The following HERC5 variants were observed in gnomAD, a reference collection of about 807,000 sequenced individuals.
HERC5 encodes the protein HECT and RLD domain containing E3 ubiquitin protein ligase 5, also known as E3 ISG15--protein ligase HERC5.
In HERC5, 99 loss-of-function variants were observed where a neutral mutation model predicts 119.6. The observed-to-expected ratio is 0.83, with a 90% confidence interval of 0.70 to 0.98. The LOEUF is 0.98. HERC5 is among the 50% of genes least tolerant of loss of function. HERC5 has a pLI of 0.00. For missense variants in HERC5, 1,267 were observed against 1,241.3 expected, an observed-to-expected ratio of 1.02 and a Z score of -0.31; for synonymous variants, 478 against 445.9, an observed-to-expected ratio of 1.07 and a Z score of -0.91.
chr4:88,458,208 CT>C (rs1740255369), intron 1 of HERC5: 1 of 396,044 alleles, frequency 2.5e-6, no homozygotes, highest in African/African-American at 2.2e-5. Flanking sequence ...TAAGAATAGC[CT>C]TTTGCACGTC....
At chr4:88,462,491 AG>A in intron 4 of HERC5, 135 bp downstream of exon 4, 1 of 732,400 alleles carries the variant, frequency 1.4e-6, no homozygotes, top group Non-Finnish European at 2.3e-6. Context: ...CTCTGTCTTC[AG>A]GGCAGAATCA....
intron 22 of HERC5, among the ~76,000 whole-genome samples, 161 bp from the exon 23 acceptor site, chr4:88,505,512 T>C (rs1742078062): frequency 6.6e-6 from 1 of 152,236 alleles, no homozygotes; most frequent in Non-Finnish European, 1.5e-5. Flanking sequence ...ACAGTGACTA[T>C]GTGTCAGACA....
Position 88,505,784 on chromosome 4 carries a change from G to T in HERC5, c.2981G>T (p.Cys994Phe). 1.2e-6 allele frequency: 2 copies of T among 1,610,612 alleles called. No homozygotes were observed. The highest frequency in any genetic ancestry group is 4.5e-5 in the East Asian group (2 of 44,862). The change falls in exon 23 of 23, where the codon TGT becomes TTT. Residue 994 changes from cysteine (C) to phenylalanine (F), a missense_variant. This residue lies in a region of HERC5 where 473 missense variants were observed against 445.7 expected (regional missense o/e 1.06). Transcript: ENST00000264350. ...NERDPIRALTCFSVLFLPKYS... is the reference protein window; with the variant it reads ...NERDPIRALTFFSVLFLPKYS... ...AGAGACCCTATAAGAGCACTGACAT[G>T]TTTCAGTGTCCTCTTCCTCCCTAAA...
chr4:88,497,809 T>A (rs1413547965), intron 18 of HERC5, among the ~76,000 whole-genome samples: 2 of 151,992 alleles, frequency 1.3e-5, no homozygotes, highest in Non-Finnish European at 2.9e-5. Flanking sequence ...GTGCTATTCA[T>A]CACGACAATG....
chr4:88,471,962 C>T lies in HERC5; in HGVS notation c.1299-447C>T, dbSNP rs543323367. Among the ~76,000 whole-genome samples, 4 of 148,414 alleles carry T rather than the reference C, an allele frequency of 2.7e-5. No individual in the cohort carries two copies. The South Asian group carries it at 6.6e-4, about 25-fold the overall frequency. ...CCTCCCTTCTTTCCTCCCTCCCTCC[C>T]TCCCTCCTTCCCTTCCTTCTTTCTT... On this transcript the variant is annotated intron_variant, in intron 10 of 22. Transcript: ENST00000264350.
chr4:88,463,210 C>A (rs1299326495), intron 4 of HERC5, among the ~76,000 whole-genome samples: 1 of 152,174 alleles, frequency 6.6e-6, no homozygotes, highest in Non-Finnish European at 1.5e-5. Flanking sequence ...TTGCTATGTT[C>A]ATTAAAAGTA....
At position 88,462,229 on chromosome 4, in the gene HERC5, C is replaced by T; in HGVS notation, c.561C>T (p.His187=). The change falls in exon 4 of 23, where the codon CAC becomes CAT. Residue 187 remains histidine, a synonymous_variant. Transcript: ENST00000264350. ...CCACCACACCACAGATTGTGGAGCA[C>T]CTCGCAGGAGTACCCTTGGCTCAGA... ...PSTTTPQIVE[H]LAGVPLAQIS... The T allele has an allele frequency of 6.2e-7, 1 of 1,614,202 alleles. No homozygotes were observed. The highest frequency in any genetic ancestry group is 2.2e-5 in the East Asian group (1 of 44,892).
At chr4:88,465,413 A>T (rs1740626389) in intron 6 of HERC5, among the ~76,000 whole-genome samples, 2 of 152,332 alleles carry the variant, frequency 1.3e-5, no homozygotes, top group South Asian at 4.1e-4. Flanking sequence ...TCTTATAAAA[A>T]ACTAGCATGA....
chr4:88,479,705 A>T (rs1741210365), intron 13 of HERC5, among the ~76,000 whole-genome samples, 198 bp downstream of exon 13: 1 of 152,106 alleles, frequency 6.6e-6, no homozygotes, highest in Non-Finnish European at 1.5e-5. Flanking sequence ...AAGGAAAAAT[A>T]ATAAAATAAA....
chr4:88,479,583 T>A, intron 13 of HERC5, 76 bp downstream of exon 13: 1 of 1,246,374 alleles, frequency 8.0e-7, no homozygotes, highest in Non-Finnish European at 1.1e-6. Context: ...GCTTGAATCT[T>A]TAAGTAGACT....
rs1560617119 is a variant in HERC5 at position 88,504,273 on chromosome 4, A to T, written c.2624A>T (p.Asp875Val). 1 of 1,609,506 alleles carries T rather than the reference A, an allele frequency of 6.2e-7. No homozygotes were observed. Among genetic ancestry groups the T allele is most frequent in the Non-Finnish European group, 8.5e-7 (1 of 1,176,968 alleles). The part of the protein sequence containing the change: ...VSKYINYIFN[D>V]SVKAVYEEFR... The stretch of plus-strand genomic sequence containing the variant: ...AAGTATATCAATTACATTTTCAACG[A>T]CTCTGTAAAGGCGGTTTATGAAGAA... Residue 875 changes from aspartate to valine, a missense_variant, in exon 21 of 23, where the codon GAC (aspartate) becomes GTC (valine). Coordinates refer to ENST00000264350, the MANE Select transcript of HERC5 (RefSeq NM_016323.4).
intron 10 of HERC5, among the ~76,000 whole-genome samples, chr4:88,472,081 G>A (rs2149093144): frequency 6.6e-6 from 1 of 151,486 alleles, no homozygotes; most frequent in South Asian, 2.1e-4. Context: ...CTGCAGCCTT[G>A]ATCTCTCAAG....
At chr4:88,468,458 A>G in intron 8 of HERC5, 36 bp downstream of exon 8, 4 of 1,402,078 alleles carry the variant, frequency 2.9e-6, no homozygotes, top group Non-Finnish European at 3.0e-6. Context: ...ATAACCTGGT[A>G]TTTTAAGCAA....
At chr4:88,469,449 AGG>A (rs1406500383) in intron 9 of HERC5, among the ~76,000 whole-genome samples, 189 bp downstream of exon 9, 1 of 152,016 alleles carries the variant, frequency 6.6e-6, no homozygotes, top group Non-Finnish European at 1.5e-5. Context: ...GTATCTATGG[AGG>A]GGAGAGAGAG....
intron 16 of HERC5, among the ~76,000 whole-genome samples, chr4:88,492,234 CCT>C (rs1434998725): frequency 1.3e-5 from 2 of 151,712 alleles, no homozygotes; most frequent in Non-Finnish European, 2.9e-5. Flanking sequence ...GAACTCCTGA[CCT>C]CACATGATCC....
intron 13 of HERC5, among the ~76,000 whole-genome samples, chr4:88,481,045 T>G (rs919732733): frequency 1.2e-4 from 19 of 152,324 alleles, no homozygotes; most frequent in African/African-American, 4.6e-4. Context: ...TTTAAACTTC[T>G]TTTCTCCCAT....
chr4:88,489,171 A>G lies in HERC5; in HGVS notation c.1968A>G (p.Lys656=). ...HTDTLLKIES[K]KHKAYLRSAA... ...TTCTGTTTCTGTTTTCCTAGAGTAA[A>G]AAACATAAAGCTTATCTTAGGTCGG... The change falls in exon 16 of 23, where the codon AAA becomes AAG. Residue 656 remains lysine (K), a synonymous_variant. Coordinates refer to ENST00000264350, the MANE Select transcript of HERC5 (RefSeq NM_016323.4). The G allele has an allele frequency of 6.2e-7, 1 of 1,601,282 alleles. No homozygotes were observed. Among genetic ancestry groups the G allele is most frequent in the Non-Finnish European group, 8.5e-7 (1 of 1,176,232 alleles).
intron 8 of HERC5, among the ~76,000 whole-genome samples, 154 bp downstream of exon 8, chr4:88,468,576 A>G (rs1740757061): frequency 6.6e-6 from 1 of 152,210 alleles, no homozygotes; most frequent in Non-Finnish European, 1.5e-5. Context: ...TGTCTAAACT[A>G]CATCAGTATT....
At chr4:88,458,541 G>A (rs1233567647) in intron 1 of HERC5, among the ~76,000 whole-genome samples, 2 of 151,846 alleles carry the variant, frequency 1.3e-5, no homozygotes, top group Non-Finnish European at 2.9e-5. Context: ...CAACTGATTT[G>A]AAATGCTGAG....
Sources: gnomAD v4.1 joint callset for allele counts (sites outside exome capture counted in the v4.1 genomes callset) on GRCh38, gnomAD v4.1.1 for gene constraint, gnomAD v4.1.1 regional missense constraint, MANE v1.5 for transcripts, NCBI Gene and HGNC (gene_info 2026-07-23, HGNC 2026-07-21) for gene names.